The following NRP1 variants were observed in gnomAD, a reference collection of about 807,000 sequenced individuals.
The protein encoded by NRP1 is neuropilin-1.
NRP1 carries 35 observed loss-of-function variants against 106.7 expected under a neutral mutation model. That is an observed-to-expected ratio of 0.33 (90% confidence interval 0.25 to 0.43). NRP1 has a LOEUF of 0.43. Among genes scored for constraint, NRP1 ranks in the 20% least tolerant of loss-of-function variants. NRP1 has a pLI of 1.00. For missense variants in NRP1, 1,024 were observed against 1,170.4 expected, an observed-to-expected ratio of 0.87 and a Z score of 1.83; for synonymous variants, 437 against 417.9, an observed-to-expected ratio of 1.05 and a Z score of -0.56.
chr10:33,278,537 GA>G (rs539864530), intron 2 of NRP1, among the ~76,000 whole-genome samples: 7 of 150,550 alleles, frequency 4.6e-5, no homozygotes, highest in African/African-American at 1.7e-4. Context: ...CTCTCTTGCA[GA>G]AAAAAAAATA....
In NRP1 at chr10:33,256,350, T is replaced by C; in HGVS notation, c.780A>G (p.Ala260=). Residue 260 remains alanine (A), a synonymous_variant, in exon 5 of 17, where the codon GCA becomes GCG. Coordinates refer to ENST00000374867, the MANE Select transcript of NRP1 (RefSeq NM_003873.7). ...DSAIAKEGFS[A]NYSVLQSSVS... is the part of the protein sequence containing the mutation. ...CACTGCTCTGCAAGACACTGTAGTTTGCTGAGAAACCTTCTTTTGCTATCG... is the reference window on the plus strand; with the variant it reads ...CACTGCTCTGCAAGACACTGTAGTTCGCTGAGAAACCTTCTTTTGCTATCG... 1.2e-6 allele frequency: 2 copies of C among 1,614,202 alleles called. No homozygotes were observed. The highest frequency in any genetic ancestry group is 1.7e-6 in the Non-Finnish European group (2 of 1,180,030).
chr10:33,180,240 G>A lies in NRP1; in HGVS notation c.2608C>T (p.Leu870Phe), dbSNP rs768849994. 44 of 1,613,998 alleles carry A rather than the reference G, an allele frequency of 2.7e-5. No homozygotes were observed. The highest frequency in any genetic ancestry group is 2.0e-5 in the Non-Finnish European group (24 of 1,180,040). ...ACGACCCCACAGACAGCCCCCAGGA[G>A]GACCCCCAGGGCACTCATGGCTATG... ...TIIAMSALGVLLGAVCGVVLY... is the reference protein window; with the variant it reads ...TIIAMSALGVFLGAVCGVVLY... The change falls in exon 17 of 17, where the codon CTC (leucine) becomes TTC (phenylalanine). Residue 870 changes from leucine (L) to phenylalanine (F), a missense_variant. Leu to Phe is a conservative substitution (Grantham distance 22). This residue lies in a region of NRP1 where 164 missense variants were observed against 161.4 expected (regional missense o/e 1.02). Coordinates refer to ENST00000374867, the MANE Select transcript of NRP1 (RefSeq NM_003873.7).
chr10:33,201,862 C>T (rs1837338671), intron 11 of NRP1: 1 of 152,126 alleles, frequency 6.6e-6, no homozygotes, highest in Non-Finnish European at 1.5e-5. Context: ...AGAGCCCTCT[C>T]ACTCCTTCAG....
rs1331374631 is a variant in NRP1, at chr10:33,182,884, G to C, written c.2432-136C>G. The C allele has an allele frequency of 1.1e-5, 8 of 707,520 alleles. No homozygotes were observed. In the South Asian group the frequency reaches 1.3e-4, roughly 11 times the overall value. 43.8% of individuals were successfully genotyped at this position (707,520 alleles called of 1,614,324 possible). A position where few individuals can be genotyped will look rare whatever the true frequency, so the allele number is the denominator to read the frequency against. On this transcript the variant is annotated intron_variant, in intron 15 of 16. Transcript: ENST00000374867. ...ACACGTGTCTACTGGGCTCCTTTTG[G>C]ATTTTTTAGTTCAATCAGAAATCAC...
chr10:33,258,185 T>A (rs946907244), intron 4 of NRP1, among the ~76,000 whole-genome samples: 2 of 152,212 alleles, frequency 1.3e-5, no homozygotes, highest in Non-Finnish European at 1.5e-5. Context: ...AGCCACTGTT[T>A]CGTGGATTGC....
At chr10:33,223,053 ATGT>A (rs1839384022) in intron 7 of NRP1, among the ~76,000 whole-genome samples, 1 of 152,116 alleles carries the variant, frequency 6.6e-6, no homozygotes, top group Admixed American at 6.5e-5. Context: ...TGGGATGGTG[ATGT>A]TTCTCAGTCC....
At chr10:33,248,466 T>C (rs1221857260) in intron 6 of NRP1, among the ~76,000 whole-genome samples, 1 of 152,214 alleles carries the variant, frequency 6.6e-6, no homozygotes, top group African/African-American at 2.4e-5. Flanking sequence ...GACACTATTG[T>C]CTCAAAGGAC....
At chr10:33,223,263 G>T (rs575443192) in intron 7 of NRP1, among the ~76,000 whole-genome samples, 1 of 152,300 alleles carries the variant, frequency 6.6e-6, no homozygotes, top group South Asian at 2.1e-4. Context: ...TGAAAGTCGG[G>T]CTTGTGTTTT....
intron 2 of NRP1, among the ~76,000 whole-genome samples, chr10:33,309,934 C>T (rs1313697245): frequency 2.7e-5 from 4 of 148,982 alleles, no homozygotes; most frequent in African/African-American, 9.7e-5. Context: ...AGGACCTACT[C>T]TCTTGCTGTA....
chr10:33,195,548 C>T (rs376069410), intron 12 of NRP1: 1 of 533,256 alleles, frequency 1.9e-6, no homozygotes, highest in Non-Finnish European at 3.8e-6. Context: ...TTGACTGCTG[C>T]TTGTGATGAT....
At chr10:33,193,422 G>A (rs914637218) in intron 12 of NRP1, among the ~76,000 whole-genome samples, 2 of 152,202 alleles carry the variant, frequency 1.3e-5, no homozygotes, top group Non-Finnish European at 2.9e-5. Context: ...TCGGGCTTCT[G>A]CCCCCTCCTT....
chr10:33,320,713 C>T (rs1847438951), intron 2 of NRP1, among the ~76,000 whole-genome samples: 1 of 152,206 alleles, frequency 6.6e-6, no homozygotes, highest in South Asian at 2.1e-4. Context: ...ATTTTGAGTT[C>T]AATACAAGTG....
intron 2 of NRP1, among the ~76,000 whole-genome samples, chr10:33,277,421 T>C (rs1410870114): frequency 6.6e-6 from 1 of 152,216 alleles, no homozygotes; most frequent in Non-Finnish European, 1.5e-5. Context: ...CTAATTTTGT[T>C]TCCTTTCTCA....
At chr10:33,213,030 G>C in intron 9 of NRP1, 1 of 565,306 alleles carries the variant, frequency 1.8e-6, no homozygotes, top group Non-Finnish European at 3.1e-6. Flanking sequence ...TTGAGATGGG[G>C]GGAGGGCAGA....
intron 5 of NRP1, 93 bp from the exon 6 acceptor site, chr10:33,254,287 A>T: frequency 8.7e-7 from 1 of 1,145,154 alleles, no homozygotes; most frequent in Middle Eastern, 3.0e-4. Context: ...GAGTTCTTTC[A>T]TTCAAAATTC....
intron 16 of NRP1, among the ~76,000 whole-genome samples, chr10:33,181,716 C>T (rs766028210): frequency 2.6e-5 from 4 of 152,218 alleles, no homozygotes; most frequent in Non-Finnish European, 5.9e-5. Context: ...AGGCTACCAC[C>T]TAATTAGCTA....
chr10:33,327,669 T>C (rs34181815), intron 2 of NRP1, among the ~76,000 whole-genome samples: 5,586 of 146,746 alleles, frequency 0.038, 148 homozygotes, highest in Non-Finnish European at 0.056. Flanking sequence ...GGTTTTTTTT[T>C]TCCCCCTAGG....
chr10:33,264,911 C>T (rs1206912205), intron 3 of NRP1, among the ~76,000 whole-genome samples: 1 of 152,066 alleles, frequency 6.6e-6, no homozygotes, highest in Non-Finnish European at 1.5e-5. Flanking sequence ...GAGTTCGAGA[C>T]CAGCCTGGCC....
intron 16 of NRP1, among the ~76,000 whole-genome samples, chr10:33,181,317 C>T (rs888313891): frequency 1.3e-5 from 2 of 152,252 alleles, no homozygotes; most frequent in African/African-American, 4.8e-5. Context: ...TTAATACTCT[C>T]TCCCTTGATG....
Sources: gnomAD v4.1 joint callset for allele counts (sites outside exome capture counted in the v4.1 genomes callset) on GRCh38, gnomAD v4.1.1 for gene constraint, gnomAD v4.1.1 regional missense constraint, MANE v1.5 for transcripts, NCBI Gene and HGNC (gene_info 2026-07-23, HGNC 2026-07-21) for gene names.